The following TNIK variants were observed in gnomAD, a reference collection of about 807,000 sequenced individuals.
TNIK encodes TRAF2 and NCK-interacting protein kinase.
TNIK carries 49 observed loss-of-function variants against 191.3 expected under a neutral mutation model. The observed-to-expected ratio is 0.26, with a 90% CI of 0.20 to 0.32. The LOEUF is 0.32. TNIK is among the 10% of genes least tolerant of loss of function. TNIK has a pLI of 1.00. For missense variants in TNIK, 1,155 were observed against 1,702.3 expected (o/e 0.68, Z 5.66); for synonymous variants, 594 against 600.9 (o/e 0.99, Z 0.17).
chr3:171,408,169 T>C (rs888723562), intron 1 of TNIK, among the ~76,000 whole-genome samples: 7 of 152,216 alleles, frequency 4.6e-5, no homozygotes, highest in African/African-American at 1.7e-4. Flanking sequence ...AATGTTTATG[T>C]TCTGTACCTT....
intron 1 of TNIK, among the ~76,000 whole-genome samples, chr3:171,380,502 A>C (rs551569428): frequency 6.6e-6 from 1 of 152,368 alleles, no homozygotes; most frequent in Admixed American, 6.5e-5. Context: ...ACAACAGACC[A>C]ATGACACGTT....
chr3:171,065,663 A>G (rs1718344125), intron 32 of TNIK, among the ~76,000 whole-genome samples: 1 of 152,238 alleles, frequency 6.6e-6, no homozygotes, highest in Non-Finnish European at 1.5e-5. Context: ...ACATTTCAGA[A>G]GAAACATGGC....
chr3:171,127,087 G>T (rs1319580319), intron 16 of TNIK, among the ~76,000 whole-genome samples: 1 of 152,202 alleles, frequency 6.6e-6, no homozygotes, highest in African/African-American at 2.4e-5. Flanking sequence ...CTAGCTCTGT[G>T]CCTGGCATGG....
chr3:171,346,131 G>A (rs575467001), intron 2 of TNIK, among the ~76,000 whole-genome samples: 8 of 152,278 alleles, frequency 5.3e-5, no homozygotes, highest in African/African-American at 1.9e-4. Flanking sequence ...GAGGTGTCTG[G>A]AGAAGAGGAT....
At chr3:171,235,894 T>G (rs1159311953) in intron 2 of TNIK, among the ~76,000 whole-genome samples, 1 of 152,122 alleles carries the variant, frequency 6.6e-6, no homozygotes, top group African/African-American at 2.4e-5. Context: ...AAAAAGGTTC[T>G]TGATGCAACC....
intron 27 of TNIK, among the ~76,000 whole-genome samples, chr3:171,080,505 C>G (rs12496038): frequency 6.6e-6 from 1 of 151,728 alleles, no homozygotes; most frequent in Non-Finnish European, 1.5e-5. Context: ...GGCATGATCT[C>G]GGCTCACTGC....
intron 15 of TNIK, among the ~76,000 whole-genome samples, chr3:171,132,512 C>A (rs1250282080): frequency 1.3e-5 from 2 of 152,106 alleles, no homozygotes; most frequent in South Asian, 2.1e-4. Flanking sequence ...AAAGGCTATA[C>A]AAATATAGAC....
At chr3:171,408,606 C>A (rs763486972) in intron 1 of TNIK, among the ~76,000 whole-genome samples, 5 of 152,184 alleles carry the variant, frequency 3.3e-5, no homozygotes, top group Non-Finnish European at 7.3e-5. Context: ...TCCTCCTGAG[C>A]CTCAATTCCC....
chr3:171,059,404 C>T lies in TNIK; in HGVS notation c.*4477G>A, dbSNP rs1448786022. ...ATGGCAGGTCTAGAAGAATAAAGTC[C>T]AAAGCACAGGGTTATGATCTCACAC... On this transcript the variant is annotated 3_prime_UTR_variant, in exon 33 of 33. Transcript: ENST00000436636. Among the ~76,000 whole-genome samples the T allele has an allele frequency of 1.3e-5, 2 of 152,096 alleles. No homozygotes were observed. Among genetic ancestry groups the T allele is most frequent in the Admixed American group, 1.3e-4 (2 of 15,256 alleles).
intron 1 of TNIK, among the ~76,000 whole-genome samples, chr3:171,387,462 G>A (rs1420056607): frequency 1.3e-5 from 2 of 152,078 alleles, no homozygotes; most frequent in Non-Finnish European, 2.9e-5. Context: ...ACCTGACATC[G>A]GCTCTTACAT....
intron 12 of TNIK, among the ~76,000 whole-genome samples, chr3:171,156,452 C>G (rs1441198348): frequency 6.6e-6 from 1 of 152,208 alleles, no homozygotes; most frequent in Non-Finnish European, 1.5e-5. Context: ...TAATGAGAAG[C>G]AAGCTGGTGT....
At chr3:171,186,821 A>G (rs963192590) in intron 7 of TNIK, among the ~76,000 whole-genome samples, 1 of 152,242 alleles carries the variant, frequency 6.6e-6, no homozygotes, top group Non-Finnish European at 1.5e-5. Flanking sequence ...GGATTTGCCC[A>G]TACCTAGAGT....
chr3:171,420,404 A>G (rs1156610575), intron 1 of TNIK, among the ~76,000 whole-genome samples: 2 of 152,184 alleles, frequency 1.3e-5, no homozygotes, highest in Non-Finnish European at 2.9e-5. Flanking sequence ...AGGTAGGCCC[A>G]CCTCTCCAGC....
chr3:171,087,548 A>C (rs1281982745), intron 23 of TNIK, 42 bp from the exon 24 acceptor site: 5 of 1,600,234 alleles, frequency 3.1e-6, no homozygotes, highest in Non-Finnish European at 4.3e-6. Context: ...AGAGGGGGGA[A>C]AAAGGCCACA....
chr3:171,406,924 G>A lies in TNIK; in HGVS notation c.58-37239C>T, dbSNP rs139270166. ...GCTGACAAAGATCACAGTAGACTCT[G>A]TGAGACTGTACCTTGAAGAAAGAAG... On this transcript the variant is annotated intron_variant, in intron 1 of 32. Transcript: ENST00000436636. Among the ~76,000 whole-genome samples, 97 of 152,374 alleles carry A rather than the reference G, an allele frequency of 6.4e-4. 1 individual carries two copies. Among genetic ancestry groups the A allele is most frequent in the African/African-American group, 2.2e-3 (92 of 41,578 alleles).
intron 4 of TNIK, among the ~76,000 whole-genome samples, chr3:171,198,409 C>T (rs1214384509): frequency 6.6e-6 from 1 of 152,058 alleles, no homozygotes; most frequent in South Asian, 2.1e-4. Context: ...GGAATGACTA[C>T]TTAATGGGTA....
chr3:171,327,583 AGG>A (rs1164817543), intron 2 of TNIK, among the ~76,000 whole-genome samples: 5 of 152,156 alleles, frequency 3.3e-5, no homozygotes, highest in Non-Finnish European at 7.4e-5. Flanking sequence ...AAAAGTTACC[AGG>A]ATGCCCGTGG....
At chr3:171,282,023 A>G (rs2109258160) in intron 2 of TNIK, among the ~76,000 whole-genome samples, 1 of 152,336 alleles carries the variant, frequency 6.6e-6, no homozygotes, top group African/African-American at 2.4e-5. Flanking sequence ...AACTGTGATA[A>G]TGTGAACTGG....
chr3:171,253,503 C>T (rs1746483720), intron 2 of TNIK, among the ~76,000 whole-genome samples: 2 of 151,672 alleles, frequency 1.3e-5, no homozygotes, highest in African/African-American at 2.4e-5. Context: ...CCAACCCTCC[C>T]TTTAAGCTTG....
Sources: allele counts gnomAD v4.1 joint callset (sites outside exome capture counted in the v4.1 genomes callset), GRCh38; gene constraint gnomAD v4.1.1; transcripts MANE v1.5; gene names NCBI Gene and HGNC (gene_info 2026-07-23, HGNC 2026-07-21).